The following ITPR2 variants were observed in gnomAD, a reference collection of about 807,000 sequenced individuals.
ITPR2 encodes inositol 1,4,5-trisphosphate-gated calcium channel ITPR2.
ITPR2 carries 207 observed loss-of-function variants against 317.1 expected under a neutral mutation model. The observed-to-expected ratio is 0.65, with a 90% CI of 0.58 to 0.73. ITPR2 has a LOEUF of 0.73. ITPR2 is among the 30% of genes least tolerant of loss of function. ITPR2 has a pLI of 0.00. For synonymous variants in ITPR2, 1,156 were observed against 1,149.1 expected, an observed-to-expected ratio of 1.01 and a Z score of -0.12; for missense variants, 2,613 against 3,284.0, an observed-to-expected ratio of 0.80 and a Z score of 4.99.
intron 26 of ITPR2, among the ~76,000 whole-genome samples, chr12:26,614,145 C>A (rs77610428): frequency 7.2e-4 from 109 of 152,174 alleles, no homozygotes; most frequent in African/African-American, 2.6e-3. Context: ...AAGTACATTT[C>A]TGGGCCCATA....
At chr12:26,380,831 CTGAT>C (rs1939488104) in intron 55 of ITPR2, among the ~76,000 whole-genome samples, 1 of 152,180 alleles carries the variant, frequency 6.6e-6, no homozygotes, top group South Asian at 2.1e-4. Context: ...CTAAACAAGA[CTGAT>C]TTTGATTTCC....
At chr12:26,722,316 G>C in intron 5 of ITPR2, 81 bp downstream of exon 5, 2 of 1,258,816 alleles carry the variant, frequency 1.6e-6, no homozygotes, top group Non-Finnish European at 2.2e-6. Flanking sequence ...TTTCTTTTTT[G>C]TACTTTCTGG....
At chr12:26,523,065 T>C (rs761426412) in intron 37 of ITPR2, among the ~76,000 whole-genome samples, 2 of 152,176 alleles carry the variant, frequency 1.3e-5, no homozygotes, top group Non-Finnish European at 2.9e-5. Context: ...TGGAGTAAAA[T>C]AGAAGTAGAG....
chr12:26,340,302 C>T lies in ITPR2; in HGVS notation c.7884G>A (p.Arg2628=). 12 of 1,604,188 alleles carry T rather than the reference C, an allele frequency of 7.5e-6. No individual in the cohort carries two copies. Among genetic ancestry groups the T allele is most frequent in the Non-Finnish European group, 1.0e-5 (12 of 1,175,610 alleles). The change falls in exon 56 of 57, where the codon CGG becomes CGA. Residue 2628 remains arginine, a synonymous_variant. Transcript: ENST00000381340. The part of the protein sequence containing the change: ...IVEKNLDWFP[R]MRAMSLVSNE... Reference sequence around the variant, plus strand: ...TGCTAACGAGGGACATGGCTCGCATCCGAGGAAACCAATCCAAATTCTTCT... The same window carrying T: ...TGCTAACGAGGGACATGGCTCGCATTCGAGGAAACCAATCCAAATTCTTCT...
chr12:26,675,384 C>A (rs530723879), intron 13 of ITPR2, among the ~76,000 whole-genome samples: 1 of 152,170 alleles, frequency 6.6e-6, no homozygotes, highest in Non-Finnish European at 1.5e-5. Context: ...ATGATGAGTT[C>A]ATGTCCTTTG....
At chr12:26,664,259 T>C (rs1316976064) in intron 14 of ITPR2, among the ~76,000 whole-genome samples, 2 of 152,250 alleles carry the variant, frequency 1.3e-5, no homozygotes. Flanking sequence ...AGAAAACATT[T>C]ACTTTTCTTT....
chr12:26,591,527 T>G (rs7308013), intron 32 of ITPR2, among the ~76,000 whole-genome samples: 78,621 of 151,884 alleles, frequency 0.52, 21,382 homozygotes, highest in Non-Finnish European at 0.61. Context: ...CATTTTGGAG[T>G]TTCCTCAAAA....
At chr12:26,810,328 A>T (rs1220430232) in intron 1 of ITPR2, among the ~76,000 whole-genome samples, 5 of 152,186 alleles carry the variant, frequency 3.3e-5, no homozygotes, top group African/African-American at 1.2e-4. Flanking sequence ...TTCAGTGTTA[A>T]ATCAGTGAAA....
chr12:26,661,520 G>T (rs1024933411), intron 15 of ITPR2, among the ~76,000 whole-genome samples: 1 of 152,074 alleles, frequency 6.6e-6, no homozygotes, highest in African/African-American at 2.4e-5. Context: ...AAAGCACAGG[G>T]CTATAGAAAA....
intron 45 of ITPR2, among the ~76,000 whole-genome samples, chr12:26,453,798 G>C (rs1372756578): frequency 6.6e-6 from 1 of 152,190 alleles, no homozygotes; most frequent in African/African-American, 2.4e-5. Flanking sequence ...TGTGGTTTGG[G>C]AAAAACTAGC....
chr12:26,684,008 C>A (rs1045040869), intron 11 of ITPR2, among the ~76,000 whole-genome samples: 6 of 152,154 alleles, frequency 3.9e-5, no homozygotes, highest in African/African-American at 1.4e-4. Context: ...GGGACTCAGG[C>A]AAAGAGATTC....
At chr12:26,421,212 G>A (rs1940881202) in intron 49 of ITPR2, 1 of 152,134 alleles carries the variant, frequency 6.6e-6, no homozygotes, top group African/African-American at 2.4e-5. Flanking sequence ...CTTCCTAAAA[G>A]AGACTCCGCC....
intron 9 of ITPR2, among the ~76,000 whole-genome samples, chr12:26,701,216 A>G (rs1948440108): frequency 6.6e-6 from 1 of 152,210 alleles, no homozygotes; most frequent in African/African-American, 2.4e-5. Flanking sequence ...ATTAAAAAAC[A>G]ACTGCACCCC....
At chr12:26,780,089 T>G (rs1016759723) in intron 2 of ITPR2, among the ~76,000 whole-genome samples, 29 of 152,144 alleles carry the variant, frequency 1.9e-4, no homozygotes, top group African/African-American at 6.8e-4. Context: ...AATGGGCCCA[T>G]GAACAAAGTG....
intron 2 of ITPR2, among the ~76,000 whole-genome samples, chr12:26,787,033 A>G (rs1347008152): frequency 4.6e-5 from 7 of 152,168 alleles, no homozygotes; most frequent in Non-Finnish European, 1.0e-4. Context: ...AAATGGGGGA[A>G]ATATATTCAT....
intron 44 of ITPR2, among the ~76,000 whole-genome samples, chr12:26,476,512 A>T (rs542545514): frequency 1.3e-5 from 2 of 152,366 alleles, no homozygotes; most frequent in South Asian, 4.1e-4. Context: ...GCTACAAAAA[A>T]TATTAATTTT....
rs1267856223 is a variant in ITPR2 at position 26,336,914 on chromosome 12, T to A, written c.*2483A>T. The stretch of plus-strand genomic sequence containing the variant: ...GTCAAATTTCCCCATTATCTTCTCC[T>A]CTTCTTCATTAGGAATTTGATGTTC... On this transcript the variant is annotated 3_prime_UTR_variant, in exon 57 of 57. Coordinates refer to ENST00000381340, the MANE Select transcript of ITPR2 (RefSeq NM_002223.4). 1 of 151,832 alleles carries A rather than the reference T, an allele frequency of 6.6e-6. No individual in the cohort carries two copies. Among genetic ancestry groups the A allele is most frequent in the Non-Finnish European group, 1.5e-5 (1 of 67,944 alleles). The allele number at this position is 151,832 out of a possible 1,614,324, so 9.4% of individuals were successfully genotyped here. A position where few individuals can be genotyped will look rare whatever the true frequency, so the allele number is the denominator to read the frequency against.
chr12:26,814,007 T>C lies in ITPR2; in HGVS notation c.92+18683A>G, dbSNP rs532998271. The stretch of plus-strand genomic sequence containing the variant: ...CATGAAGAATGGAGAACTGCTCTTC[T>C]CCTACTCGTGATGACGTCACCTTTG... On this transcript the variant is annotated intron_variant, in intron 1 of 56. Transcript: ENST00000381340. Among the ~76,000 whole-genome samples, 9 of 152,292 alleles carry C rather than the reference T, an allele frequency of 5.9e-5. No homozygotes were observed. In the South Asian group the frequency reaches 1.2e-3, roughly 21 times the overall value.
intron 37 of ITPR2, among the ~76,000 whole-genome samples, chr12:26,523,103 T>C (rs971654327): frequency 4.6e-5 from 7 of 152,206 alleles, no homozygotes; most frequent in South Asian, 2.1e-4. Flanking sequence ...GCTCACATCA[T>C]TGATTTTGGT....
Sources: gnomAD v4.1 joint callset for allele counts (sites outside exome capture counted in the v4.1 genomes callset) on GRCh38, gnomAD v4.1.1 for gene constraint, MANE v1.5 for transcripts, NCBI Gene and HGNC (gene_info 2026-07-23, HGNC 2026-07-21) for gene names.